Variants in FRMD5 observed in about 807,000 individuals in gnomAD.
FRMD5 encodes FERM domain-containing protein 5.
FRMD5 carries 20 observed loss-of-function variants against 69.0 expected under a neutral mutation model. The observed-to-expected ratio is 0.29, with a 90% CI of 0.20 to 0.42. The LOEUF (loss-of-function observed/expected upper bound fraction) is 0.42. FRMD5 is among the 10% of genes least tolerant of loss of function. The pLI, the probability that FRMD5 is intolerant of heterozygous loss-of-function variation, is 1.00. For missense variants in FRMD5, 595 were observed against 708.6 expected (o/e 0.84, Z 1.82); for synonymous variants, 271 against 260.1 (o/e 1.04, Z -0.40).
intron 1 of FRMD5, among the ~76,000 whole-genome samples, chr15:44,058,489 T>C (rs1012509399): frequency 1.3e-5 from 2 of 152,138 alleles, no homozygotes; most frequent in African/African-American, 4.8e-5. Flanking sequence ...AATAGATAAA[T>C]TGTATGATGT....
At chr15:44,138,731 C>T (rs576446285) in intron 1 of FRMD5, among the ~76,000 whole-genome samples, 6 of 152,052 alleles carry the variant, frequency 3.9e-5, no homozygotes, top group East Asian at 3.8e-4. Flanking sequence ...TTATCAAATG[C>T]AACCAATTAC....
chr15:43,884,658 T>C, intron 12 of FRMD5, 69 bp downstream of exon 12: 1 of 1,463,720 alleles, frequency 6.8e-7, no homozygotes, highest in Non-Finnish European at 9.5e-7. Context: ...TTCACAGTAC[T>C]CAAACTGCTG....
At chr15:44,175,813 C>T (rs114314817) in intron 1 of FRMD5, among the ~76,000 whole-genome samples, 2,668 of 152,130 alleles carry the variant, frequency 0.018, 79 homozygotes, top group African/African-American at 0.061. Flanking sequence ...TACACACTAA[C>T]ATGAATGAAT....
At chr15:44,080,125 C>G (rs1040354429) in intron 1 of FRMD5, among the ~76,000 whole-genome samples, 1 of 151,810 alleles carries the variant, frequency 6.6e-6, no homozygotes, top group Non-Finnish European at 1.5e-5. Context: ...TTTACCACAA[C>G]TAAAAAAAGT....
intron 1 of FRMD5, among the ~76,000 whole-genome samples, chr15:44,086,055 G>A (rs983898445): frequency 6.6e-6 from 1 of 152,082 alleles, no homozygotes; most frequent in East Asian, 1.9e-4. Context: ...AGGGCCTGAA[G>A]ACTGCAGGAA....
chr15:44,095,474 G>C (rs575375076), intron 1 of FRMD5, among the ~76,000 whole-genome samples: 61 of 152,158 alleles, frequency 4.0e-4, no homozygotes, highest in African/African-American at 1.5e-3. Context: ...CAAAGTAATG[G>C]GATTACAGGT....
chr15:44,080,399 A>C (rs976024645), intron 1 of FRMD5, among the ~76,000 whole-genome samples: 3 of 152,144 alleles, frequency 2.0e-5, no homozygotes, highest in Non-Finnish European at 4.4e-5. Context: ...ACCCAAATAA[A>C]TGATAGCTTT....
At chr15:43,960,611 C>T (rs2090183434) in intron 1 of FRMD5, among the ~76,000 whole-genome samples, 2 of 151,112 alleles carry the variant, frequency 1.3e-5, no homozygotes, top group Non-Finnish European at 2.9e-5. Context: ...CTCAAGCTCC[C>T]GACCTCAGGT....
At chr15:44,127,746 C>A (rs759351317) in intron 1 of FRMD5, among the ~76,000 whole-genome samples, 2 of 151,910 alleles carry the variant, frequency 1.3e-5, no homozygotes, top group African/African-American at 2.4e-5. Flanking sequence ...ATGGGGCACA[C>A]CTGTAGTCCC....
intron 1 of FRMD5, among the ~76,000 whole-genome samples, chr15:44,133,107 A>C (rs2077127268): frequency 6.6e-6 from 1 of 151,962 alleles, no homozygotes; most frequent in Non-Finnish European, 1.5e-5. Flanking sequence ...ATGACACTTA[A>C]AAATGATTAG....
At chr15:43,956,205 C>T (rs1412594904) in intron 1 of FRMD5, among the ~76,000 whole-genome samples, 6 of 152,098 alleles carry the variant, frequency 3.9e-5, no homozygotes, top group Non-Finnish European at 7.4e-5. Flanking sequence ...TAAACCTTTA[C>T]AAAAGAAATT....
intron 13 of FRMD5, among the ~76,000 whole-genome samples, chr15:43,882,730 A>C (rs951720208): frequency 2.6e-4 from 39 of 152,110 alleles, no homozygotes; most frequent in African/African-American, 9.4e-4. Flanking sequence ...CAAGAAGTGA[A>C]AATTCTTGGT....
intron 1 of FRMD5, among the ~76,000 whole-genome samples, chr15:43,995,921 C>CCCTGG (rs1889898949): frequency 6.6e-6 from 1 of 151,998 alleles, no homozygotes; most frequent in Non-Finnish European, 1.5e-5. Flanking sequence ...TGAGCCTGGA[C>CCCTGG]CCTGGATCTG....
intron 1 of FRMD5, among the ~76,000 whole-genome samples, chr15:44,010,400 CT>C (rs5812260): frequency 0.022 from 3,104 of 139,886 alleles, 114 homozygotes; most frequent in African/African-American, 0.076. Flanking sequence ...TTTTCCTTTT[CT>C]TTTTTTTTTT....
intron 1 of FRMD5, among the ~76,000 whole-genome samples, chr15:43,941,724 C>G (rs990254317): frequency 4.6e-5 from 7 of 152,138 alleles, no homozygotes; most frequent in Admixed American, 1.3e-4. Context: ...GCCAGCAGAA[C>G]TGAAACTAAT....
chr15:44,001,722 G>A (rs1043081731), intron 1 of FRMD5, among the ~76,000 whole-genome samples: 8 of 150,452 alleles, frequency 5.3e-5, no homozygotes, highest in African/African-American at 1.2e-4. Context: ...TCCTCCTGCC[G>A]CAGCCCCCCA....
At position 44,014,387 on chromosome 15, in the gene FRMD5, A is replaced by G. The variant is rs531460899; in HGVS notation, c.103-90078T>C. Among the ~76,000 whole-genome samples, 6 of 152,288 alleles carry G rather than the reference A, an allele frequency of 3.9e-5. No homozygotes were observed. The East Asian group carries it at 9.6e-4, about 24-fold the overall frequency. On this transcript the variant is annotated intron_variant, in intron 1 of 13. Coordinates refer to ENST00000417257, the MANE Select transcript of FRMD5 (RefSeq NM_032892.5). ...CTCAGCCCCCTACTTTTTAGCTATGAGATGTCAGACTAGGTACTTAACCTC... is the reference window on the plus strand; with the variant it reads ...CTCAGCCCCCTACTTTTTAGCTATGGGATGTCAGACTAGGTACTTAACCTC...
intron 1 of FRMD5, among the ~76,000 whole-genome samples, chr15:43,999,423 C>T (rs1269163867): frequency 6.6e-6 from 1 of 152,080 alleles, no homozygotes; most frequent in African/African-American, 2.4e-5. Flanking sequence ...TGTTGTGCGA[C>T]CAATCTCCAG....
At chr15:44,194,762 C>A in intron 1 of FRMD5, 191 bp downstream of exon 1, 1 of 678,190 alleles carries the variant, frequency 1.5e-6, no homozygotes, top group South Asian at 1.6e-5. Context: ...GGTGACACAC[C>A]GGGTGCCAGG....
Sources: allele counts gnomAD v4.1 joint callset (sites outside exome capture counted in the v4.1 genomes callset), GRCh38; gene constraint gnomAD v4.1.1; transcripts MANE v1.5; gene names NCBI Gene and HGNC (gene_info 2026-07-23, HGNC 2026-07-21).